PHKB: variants seen among roughly 807,000 people sequenced by gnomAD.
PHKB encodes phosphorylase kinase regulatory subunit beta.
PHKB carries 122 observed loss-of-function variants against 152.1 expected under a neutral mutation model. That is an observed-to-expected ratio of 0.80 (90% CI 0.69 to 0.93). PHKB has a LOEUF of 0.93. Among genes scored for constraint, PHKB ranks in the 40% least tolerant of loss-of-function variants. PHKB has a pLI of 0.00. For synonymous variants in PHKB, 436 were observed against 464.9 expected (o/e 0.94, Z 0.80); for missense variants, 1,304 against 1,328.4 (o/e 0.98, Z 0.29).
At chr16:47,468,022 C>A (rs1969698915) in intron 1 of PHKB, among the ~76,000 whole-genome samples, 1 of 152,206 alleles carries the variant, frequency 6.6e-6, no homozygotes, top group African/African-American at 2.4e-5. Context: ...AAATATACTT[C>A]ATTTCATTAA....
Position 47,664,913 on chromosome 16 carries a change from AC to A in PHKB, c.2368del (p.Gln790ArgfsTer7), listed in dbSNP as rs1567347370. ...GGCGGTGCGCTACGGGGCTGCATTT[AC>A]CCAGAAATTTTCTTCCTCTATAGCC... The part of the protein sequence containing the change: ...WLAVRYGAAF[T>X]QKFSSSIAPH... On this transcript the variant is annotated frameshift_variant, in exon 25 of 31. Transcript: ENST00000323584. LOFTEE classifies it high-confidence loss of function. 2 of 1,613,844 alleles carry A rather than the reference AC, an allele frequency of 1.2e-6. No homozygotes were observed. Among genetic ancestry groups the A allele is most frequent in the Non-Finnish European group, 1.7e-6 (2 of 1,179,810 alleles).
intron 2 of PHKB, 37 bp downstream of exon 2, chr16:47,497,525 C>T: frequency 8.7e-7 from 1 of 1,154,320 alleles, no homozygotes; most frequent in Non-Finnish European, 1.3e-6. Flanking sequence ...CCTTAGGTAT[C>T]TGCGATTAGT....
intron 20 of PHKB, among the ~76,000 whole-genome samples, chr16:47,659,264 G>A (rs1041539504): frequency 3.4e-4 from 51 of 152,126 alleles, no homozygotes; most frequent in Non-Finnish European, 3.7e-4. Context: ...ATGAGTTTCC[G>A]CTAGAGGAGA....
intron 6 of PHKB, among the ~76,000 whole-genome samples, chr16:47,537,044 G>A (rs1044437735): frequency 6.6e-6 from 1 of 152,190 alleles, no homozygotes; most frequent in Non-Finnish European, 1.5e-5. Context: ...GGGACAGGGT[G>A]GGAAGATTAT....
chr16:47,647,095 TTTTATTTATTTATTTATGTATTTATTTA>T (rs1691720776), intron 16 of PHKB, among the ~76,000 whole-genome samples: 1 of 151,920 alleles, frequency 6.6e-6, no homozygotes, highest in Non-Finnish European at 1.5e-5. Context: ...CCCCCTCAGT[TTTTATTTATTTATTTATGTATTTATTTA>T]TTTATTTATT....
intron 6 of PHKB, among the ~76,000 whole-genome samples, chr16:47,527,325 G>C (rs1970785502): frequency 6.6e-6 from 1 of 152,048 alleles, no homozygotes; most frequent in Non-Finnish European, 1.5e-5. Context: ...AAGTAATAAA[G>C]ATAAATATAG....
intron 16 of PHKB, among the ~76,000 whole-genome samples, chr16:47,646,554 T>TAAA (rs1973129285): frequency 9.9e-6 from 1 of 101,490 alleles, no homozygotes; most frequent in Non-Finnish European, 2.1e-5. Context: ...ACATTAAAAA[T>TAAA]AAAAAATAAA....
chr16:47,622,442 T>C (rs1408825922), intron 14 of PHKB, among the ~76,000 whole-genome samples: 1 of 152,228 alleles, frequency 6.6e-6, no homozygotes. Flanking sequence ...GATTTTTCTC[T>C]CATGAGGTCC....
Position 47,664,920 on chromosome 16 carries a change from A to C in PHKB, c.2372A>C (p.Lys791Thr). 6.2e-7 allele frequency: 1 copy of C among 1,613,894 alleles called. No homozygotes were observed. The highest frequency in any genetic ancestry group is 2.2e-5 in the East Asian group (1 of 44,874). Residue 791 changes from lysine to threonine, a missense_variant, in exon 25 of 31, where the codon AAA becomes ACA. Lys to Thr is a moderately conservative substitution (Grantham distance 78, BLOSUM62 -1). Transcript: ENST00000323584. ...CGCTACGGGGCTGCATTTACCCAGA[A>C]ATTTTCTTCCTCTATAGCCCCACAC... Reference protein sequence around the residue: ...AVRYGAAFTQKFSSSIAPHIT... With the variant: ...AVRYGAAFTQTFSSSIAPHIT...
In PHKB at chr16:47,503,020, A is replaced by G. The variant is rs751453981; in HGVS notation, c.335A>G (p.His112Arg). 7 of 1,613,076 alleles carry G rather than the reference A, an allele frequency of 4.3e-6. No homozygotes were observed. The South Asian group carries it at 5.5e-5, about 13-fold the overall frequency. The change falls in exon 4 of 31, where the codon CAT becomes CGT. Residue 112 changes from histidine to arginine, a missense_variant. Coordinates refer to ENST00000323584, the MANE Select transcript of PHKB (RefSeq NM_000293.3). ...ATTGATGATGACAAGGGAAGGACCC[A>G]TGAGCTGGAGCACTCAGCTATAAAA... ...RRIDDDKGRT[H>R]ELEHSAIKCM...
chr16:47,694,208 G>A (rs1488035678), intron 28 of PHKB, among the ~76,000 whole-genome samples: 1 of 152,192 alleles, frequency 6.6e-6, no homozygotes, highest in African/African-American at 2.4e-5. Context: ...GGTTTCCCAT[G>A]TGATATACAC....
chr16:47,485,022 A>G lies in PHKB; in HGVS notation c.77-12377A>G, dbSNP rs78390622. Among the ~76,000 whole-genome samples, 296 of 152,330 alleles carry G rather than the reference A, an allele frequency of 1.9e-3. 9 individuals carry two copies. The East Asian group carries it at 0.046, about 24-fold the overall frequency. ...CATGTACATTTCAAATGTTATACAT[A>G]TATAGTTATTGTTGCTTAGCTTTTC... On this transcript the variant is annotated intron_variant, in intron 1 of 30. Transcript: ENST00000323584.
intron 4 of PHKB, among the ~76,000 whole-genome samples, chr16:47,504,352 C>A (rs1970374825): frequency 6.6e-6 from 1 of 152,236 alleles, no homozygotes; most frequent in South Asian, 2.1e-4. Context: ...TGGGTATCCT[C>A]TGTCTAGCAC....
chr16:47,637,025 G>A (rs891915633), intron 14 of PHKB, among the ~76,000 whole-genome samples: 5 of 152,180 alleles, frequency 3.3e-5, no homozygotes, highest in African/African-American at 1.2e-4. Flanking sequence ...TTGGACAGAT[G>A]TAGGGACTAC....
chr16:47,607,247 A>G (rs551892297), intron 13 of PHKB, among the ~76,000 whole-genome samples: 1 of 152,290 alleles, frequency 6.6e-6, no homozygotes, highest in African/African-American at 2.4e-5. Context: ...TTGTGCAACC[A>G]TCACTGCCAT....
intron 1 of PHKB, among the ~76,000 whole-genome samples, chr16:47,466,815 A>C (rs886732935): frequency 6.6e-6 from 1 of 152,184 alleles, no homozygotes; most frequent in South Asian, 2.1e-4. Flanking sequence ...CTAACCGTCA[A>C]CTAATCAAAA....
At chr16:47,482,605 T>C (rs1969981177) in intron 1 of PHKB, among the ~76,000 whole-genome samples, 1 of 152,224 alleles carries the variant, frequency 6.6e-6, no homozygotes, top group African/African-American at 2.4e-5. Context: ...GGGTCTATTT[T>C]TCAAAATGCT....
At chr16:47,635,748 C>T (rs764206061) in intron 14 of PHKB, among the ~76,000 whole-genome samples, 5 of 152,310 alleles carry the variant, frequency 3.3e-5, no homozygotes, top group Non-Finnish European at 5.9e-5. Context: ...ACAGAATCTG[C>T]AGTCAGACTG....
At chr16:47,472,681 G>A (rs1006048900) in intron 1 of PHKB, among the ~76,000 whole-genome samples, 18 of 152,108 alleles carry the variant, frequency 1.2e-4, no homozygotes, top group Non-Finnish European at 2.5e-4. Flanking sequence ...TACTCGGGAG[G>A]CCGGGCAGGA....
Sources: gnomAD v4.1 joint callset for allele counts (sites outside exome capture counted in the v4.1 genomes callset) on GRCh38, gnomAD v4.1.1 for gene constraint, MANE v1.5 for transcripts, NCBI Gene and HGNC (gene_info 2026-07-23, HGNC 2026-07-21) for gene names.